The following FKBPL variants were observed in gnomAD, a reference collection of about 807,000 sequenced individuals.
FKBPL encodes FK506-binding protein-like.
A neutral mutation model predicts 27.9 loss-of-function variants in FKBPL; 31 were observed. The ratio of observed to expected loss-of-function variants is 1.11; its 90% CI spans 0.83 to 1.50. The LOEUF (loss-of-function observed/expected upper bound fraction) is 1.50, where lower values mean the gene tolerates loss of function less well. Among genes scored for constraint, FKBPL ranks in the 40% most tolerant of loss-of-function variants. The probability of loss-of-function intolerance (pLI) is 0.00; values close to 1 mark genes in which losing one functional copy is unlikely to be tolerated. For missense variants in FKBPL, 355 were observed against 425.9 expected (o/e 0.83, Z 1.46); for synonymous variants, 134 against 169.5 (o/e 0.79, Z 1.63).
Position 32,129,145 on chromosome 6 carries a change from T to C in FKBPL, c.636A>G (p.Glu212=), listed in dbSNP as rs899229419. 1 of 1,614,224 alleles carries C rather than the reference T, an allele frequency of 6.2e-7. No individual in the cohort carries two copies. Among genetic ancestry groups the C allele is most frequent in the Non-Finnish European group, 8.5e-7 (1 of 1,180,034 alleles). The part of the protein sequence containing the change: ...ETSEKEALAR[E]ERARGTELFR... The stretch of plus-strand genomic sequence containing the variant: ...ATAGTTCTGTGCCCCTTGCACGTTC[T>C]TCCCTGGCCAGGGCTTCCTTCTCGC... The change falls in exon 2 of 2, where the codon GAA becomes GAG. Residue 212 remains glutamate, a synonymous_variant. Coordinates refer to ENST00000375156, the MANE Select transcript of FKBPL (RefSeq NM_022110.4). The surrounding 1 kb of genome is among the most constrained non-coding windows in gnomAD (Gnocchi z 4.5).
Position 32,129,783 on chromosome 6 carries a change from G to A in FKBPL, c.-3C>T. 3.7e-6 allele frequency: 6 copies of A among 1,611,554 alleles called. No homozygotes were observed. The highest frequency in any genetic ancestry group is 1.1e-5 in the South Asian group (1 of 90,686). ...GTATTGACTGGTGGCGTCTCCATAT[G>A]GATGCTTAGTCCCTTCCACGGTGAG... On this transcript the variant is annotated 5_prime_UTR_variant, in exon 2 of 2. Transcript: ENST00000375156. This position sits in a 1 kb window ranked among gnomAD's most constrained non-coding sequence, Gnocchi z 4.5.
Position 32,129,651 on chromosome 6 carries a change from T to C in FKBPL, c.130A>G (p.Thr44Ala). ...QIRQQPRDPP[T>A]ETLELEVSPD... is the part of the protein sequence containing the mutation. ...CTTACTTCCAGCTCAAGCGTTTCGG[T>C]AGGAGGGTCTCGGGGCTGCTGCCTA... Residue 44 changes from threonine to alanine, a missense_variant, in exon 2 of 2, where the codon ACC (threonine) becomes GCC (alanine). Physicochemically the swap from Thr to Ala is moderately conservative, Grantham distance 58. Coordinates refer to ENST00000375156, the MANE Select transcript of FKBPL (RefSeq NM_022110.4). This position sits in a 1 kb window ranked among gnomAD's most constrained non-coding sequence, Gnocchi z 4.5. 1 of 1,614,170 alleles carries C rather than the reference T, an allele frequency of 6.2e-7. No homozygotes were observed.
At position 32,129,768 on chromosome 6, in the gene FKBPL, G is replaced by C. The variant is rs1782169352; in HGVS notation, c.13C>G (p.Pro5Ala). The C allele has an allele frequency of 1.2e-6, 2 of 1,613,454 alleles. No individual in the cohort carries two copies. The highest frequency in any genetic ancestry group is 1.7e-6 in the Non-Finnish European group (2 of 1,179,778). ...TCCTTTTCTCCAATTGTATTGACTG[G>C]TGGCGTCTCCATATGGATGCTTAGT... METP[P>A]VNTIGEKDTS... Residue 5 changes from proline (P) to alanine (A), a missense_variant, in exon 2 of 2, where the codon CCA (proline) becomes GCA (alanine). Coordinates refer to ENST00000375156, the MANE Select transcript of FKBPL (RefSeq NM_022110.4). This position sits in a 1 kb window ranked among gnomAD's most constrained non-coding sequence, Gnocchi z 4.5.
In FKBPL at chr6:32,128,762, A is replaced by C. The variant is rs1239589345; in HGVS notation, c.1019T>G (p.Leu340Arg). 3.7e-6 allele frequency: 6 copies of C among 1,614,096 alleles called. No individual in the cohort carries two copies. The highest frequency in any genetic ancestry group is 4.2e-6 in the Non-Finnish European group (5 of 1,180,056). The part of the protein sequence containing the change: ...VIQGKNQDAG[L>R]AQGLRKMFG ...AAACATCTTGCGCAGACCCTGAGCCAGCCCTGCATCCTGGTTCTTCCCCTG... is the reference window on the plus strand; with the variant it reads ...AAACATCTTGCGCAGACCCTGAGCCCGCCCTGCATCCTGGTTCTTCCCCTG... Residue 340 changes from leucine (L) to arginine (R), a missense_variant, in exon 2 of 2, where the codon CTG (leucine) becomes CGG (arginine). Leu to Arg is a moderately radical substitution (Grantham distance 102). Coordinates refer to ENST00000375156, the MANE Select transcript of FKBPL (RefSeq NM_022110.4).
rs760590647 is a variant in FKBPL at position 32,128,847 on chromosome 6, C to T, written c.934G>A (p.Val312Met). The T allele has an allele frequency of 1.9e-6, 3 of 1,614,236 alleles. No individual in the cohort carries two copies. Among genetic ancestry groups the T allele is most frequent in the South Asian group, 1.1e-5 (1 of 91,084 alleles). The change falls in exon 2 of 2, where the codon GTG becomes ATG. Residue 312 changes from valine to methionine, a missense_variant. By Grantham distance (21) the Val-to-Met change is conservative. Coordinates refer to ENST00000375156, the MANE Select transcript of FKBPL (RefSeq NM_022110.4). ...LEKATADLKK[V>M]LAIDPKNRAA... ...CGGTTTTTGGGATCTATCGCCAGCACCTTCTTGAGGTCAGCAGTTGCTTTT... is the reference window on the plus strand; with the variant it reads ...CGGTTTTTGGGATCTATCGCCAGCATCTTCTTGAGGTCAGCAGTTGCTTTT...
At position 32,130,108 on chromosome 6, in the gene FKBPL, G is replaced by A; in HGVS notation, c.-88C>T. ...GTCAATAAGTACCTGCGCGGCCAAAGTGCCTAGCATGGTGACAGGAGGAGC... is the reference window on the plus strand; with the variant it reads ...GTCAATAAGTACCTGCGCGGCCAAAATGCCTAGCATGGTGACAGGAGGAGC... On this transcript the variant is annotated 5_prime_UTR_variant, in exon 1 of 2. Transcript: ENST00000375156. The A allele has an allele frequency of 2.1e-6, 1 of 480,426 alleles. No homozygotes were observed. Among genetic ancestry groups the A allele is most frequent in the Non-Finnish European group, 3.7e-6 (1 of 267,750 alleles). 29.8% of individuals were successfully genotyped at this position (480,426 alleles called of 1,614,324 possible). A position where few individuals can be genotyped will look rare whatever the true frequency, so the allele number is the denominator to read the frequency against.
At position 32,130,184 on chromosome 6, in the gene FKBPL, T is replaced by G; in HGVS notation, c.-164A>C. On this transcript the variant is annotated 5_prime_UTR_variant, in exon 1 of 2. Transcript: ENST00000375156. ...CCAAAGCTAAATGGCTACTGAATGC[T>G]GCCCTCGGAGCCTTGCCCCACGCGG... The G allele has an allele frequency of 2.1e-5, 5 of 242,538 alleles. No homozygotes were observed. The highest frequency in any genetic ancestry group is 2.4e-5 in the Non-Finnish European group (3 of 122,830). The allele number at this position is 242,538 out of a possible 1,614,324, so 15.0% of individuals were successfully genotyped here.
At position 32,129,090 on chromosome 6, in the gene FKBPL, G is replaced by A. The variant is rs1782131722; in HGVS notation, c.691C>T (p.Arg231Ter). The A allele has an allele frequency of 1.2e-6, 2 of 1,614,108 alleles. No individual in the cohort carries two copies. The highest frequency in any genetic ancestry group is 1.7e-6 in the Non-Finnish European group (2 of 1,180,050). ...FRAGNPEGAARCYGRALRLLL... is the reference protein window; with the variant it reads ...FRAGNPEGAA ...AGCCGAAGAGCCCGTCCATAGCATC[G>A]GGCAGCTCCTTCAGGGTTCCCAGCT... The change falls in exon 2 of 2, where the codon CGA (arginine) becomes TGA (stop). Residue 231 changes from arginine (R) to a stop codon, truncating the protein, a stop_gained. Transcript: ENST00000375156. LOFTEE classifies it high-confidence loss of function. This position sits in a 1 kb window ranked among gnomAD's most constrained non-coding sequence, Gnocchi z 4.5.
Position 32,129,050 on chromosome 6 carries a change from G to T in FKBPL, c.731C>A (p.Pro244His). 1 of 1,614,238 alleles carries T rather than the reference G, an allele frequency of 6.2e-7. No homozygotes were observed. Residue 244 changes from proline (P) to histidine (H), a missense_variant, in exon 2 of 2, where the codon CCC (proline) becomes CAC (histidine). Coordinates refer to ENST00000375156, the MANE Select transcript of FKBPL (RefSeq NM_022110.4). The surrounding 1 kb of genome is among the most constrained non-coding windows in gnomAD (Gnocchi z 4.5). ...AGTTCGTTCTGGAGGGCCAGGTGGG[G>T]GTAAAGTCAGGAGCAGCCGAAGAGC... ...GRALRLLLTL[P>H]PPGPPERTVL...
In FKBPL at chr6:32,129,765, C is replaced by T; in HGVS notation, c.16G>A (p.Val6Ile). METPPVNTIGEKDTSQ... is the reference protein window; with the variant it reads METPPINTIGEKDTSQ... ...GTGTCCTTTTCTCCAATTGTATTGACTGGTGGCGTCTCCATATGGATGCTT... is the reference window on the plus strand; with the variant it reads ...GTGTCCTTTTCTCCAATTGTATTGATTGGTGGCGTCTCCATATGGATGCTT... The change falls in exon 2 of 2, where the codon GTC (valine) becomes ATC (isoleucine). Residue 6 changes from valine to isoleucine, a missense_variant. Physicochemically the swap from Val to Ile is conservative, Grantham distance 29 (BLOSUM62 3). Transcript: ENST00000375156. The surrounding 1 kb of genome is among the most constrained non-coding windows in gnomAD (Gnocchi z 4.5). 6.2e-7 allele frequency: 1 copy of T among 1,613,506 alleles called. No homozygotes were observed. The highest frequency in any genetic ancestry group is 8.5e-7 in the Non-Finnish European group (1 of 1,179,816).
chr6:32,129,103 A>G lies in FKBPL; in HGVS notation c.678T>C (p.Pro226=), dbSNP rs35245338. The part of the protein sequence containing the change: ...RGTELFRAGN[P]EGAARCYGRA... ...GTCCATAGCATCGGGCAGCTCCTTCAGGGTTCCCAGCTCGAAATAGTTCTG... is the reference window on the plus strand; with the variant it reads ...GTCCATAGCATCGGGCAGCTCCTTCGGGGTTCCCAGCTCGAAATAGTTCTG... The change falls in exon 2 of 2, where the codon CCT becomes CCC. Residue 226 remains proline (P), a synonymous_variant. Coordinates refer to ENST00000375156, the MANE Select transcript of FKBPL (RefSeq NM_022110.4). The surrounding 1 kb of genome is among the most constrained non-coding windows in gnomAD (Gnocchi z 4.5). 1.2e-6 allele frequency: 2 copies of G among 1,614,246 alleles called. No homozygotes were observed. The highest frequency in any genetic ancestry group is 1.7e-6 in the Non-Finnish European group (2 of 1,180,040).
chr6:32,129,002 G>C lies in FKBPL; in HGVS notation c.779C>G (p.Ala260Gly). ...ERTVLHANLA[A>G]CQLLLGQPQL... ...AGGCTGCCCTAGCAACAACTGACAG[G>C]CAGCCAGATTGGCATGAAGGACAGT... is the stretch of plus-strand genomic sequence containing the variant. The change falls in exon 2 of 2, where the codon GCC (alanine) becomes GGC (glycine). Residue 260 changes from alanine (A) to glycine (G), a missense_variant. Coordinates refer to ENST00000375156, the MANE Select transcript of FKBPL (RefSeq NM_022110.4). The surrounding 1 kb of genome is among the most constrained non-coding windows in gnomAD (Gnocchi z 4.5). 2 of 1,614,148 alleles carry C rather than the reference G, an allele frequency of 1.2e-6. No individual in the cohort carries two copies. The highest frequency in any genetic ancestry group is 1.7e-6 in the Non-Finnish European group (2 of 1,179,964).
At position 32,130,206 on chromosome 6, in the gene FKBPL, G is replaced by A. The variant is rs9391734; in HGVS notation, c.-186C>T. ...TGCTGCCCTCGGAGCCTTGCCCCAC[G>A]CGGAGAGGGCAGCCGGAGAGGGGCG... On this transcript the variant is annotated 5_prime_UTR_variant, in exon 1 of 2. Coordinates refer to ENST00000375156, the MANE Select transcript of FKBPL (RefSeq NM_022110.4). 21,764 of 204,372 alleles carry A rather than the reference G, an allele frequency of 0.11. 1,470 individuals are homozygous for A. The highest frequency in any genetic ancestry group is 0.15 in the African/African-American group (6,491 of 42,406). The allele number at this position is 204,372 out of a possible 1,614,324, so 12.7% of individuals were successfully genotyped here.
At position 32,129,104 on chromosome 6, in the gene FKBPL, G is replaced by A; in HGVS notation, c.677C>T (p.Pro226Leu). The A allele has an allele frequency of 6.2e-7, 1 of 1,614,250 alleles. No individual in the cohort carries two copies. Among genetic ancestry groups the A allele is most frequent in the Admixed American group, 1.7e-5 (1 of 60,034 alleles). ...RGTELFRAGNPEGAARCYGRA... is the reference protein window; with the variant it reads ...RGTELFRAGNLEGAARCYGRA... ...TCCATAGCATCGGGCAGCTCCTTCA[G>A]GGTTCCCAGCTCGAAATAGTTCTGT... The change falls in exon 2 of 2, where the codon CCT becomes CTT. Residue 226 changes from proline (P) to leucine (L), a missense_variant. By Grantham distance (98) the Pro-to-Leu change is moderately conservative (BLOSUM62 -3). Transcript: ENST00000375156. The surrounding 1 kb of genome is among the most constrained non-coding windows in gnomAD (Gnocchi z 4.5).
At chr6:32,130,008 CAT>C in intron 1 of FKBPL, 85 bp downstream of exon 1, 1 of 614,880 alleles carries the variant, frequency 1.6e-6, no homozygotes, top group Non-Finnish European at 2.9e-6. Flanking sequence ...GTTCCACCCA[CAT>C]ATAATTTAGA....
chr6:32,128,775 G>C lies in FKBPL; in HGVS notation c.1006C>G (p.Gln336Glu). 2 of 1,614,154 alleles carry C rather than the reference G, an allele frequency of 1.2e-6. No individual in the cohort carries two copies. The highest frequency in any genetic ancestry group is 1.1e-5 in the South Asian group (1 of 91,084). ...AGACCCTGAGCCAGCCCTGCATCCT[G>C]GTTCTTCCCCTGAATGACCACCTTC... The part of the protein sequence containing the change: ...LGKVVIQGKN[Q>E]DAGLAQGLRK... Residue 336 changes from glutamine to glutamate, a missense_variant, in exon 2 of 2, where the codon CAG becomes GAG. Coordinates refer to ENST00000375156, the MANE Select transcript of FKBPL (RefSeq NM_022110.4).
chr6:32,129,886 G>C lies in FKBPL; in HGVS notation c.-74-32C>G. 2.0e-6 allele frequency: 2 copies of C among 1,022,726 alleles called. No individual in the cohort carries two copies. Among genetic ancestry groups the C allele is most frequent in the South Asian group, 2.7e-5 (2 of 73,598 alleles). 63.4% of individuals were successfully genotyped at this position (1,022,726 alleles called of 1,614,324 possible). ...AGAAAACCAAACAATGCTAATAGCA[G>C]GGTTCTTATTTAGACTCCTTTCTCG... On this transcript the variant is annotated intron_variant, in intron 1 of 1. Transcript: ENST00000375156. The surrounding 1 kb of genome is among the most constrained non-coding windows in gnomAD (Gnocchi z 4.5).
rs1333491207 is a variant in FKBPL at position 32,128,810 on chromosome 6, TC to T, written c.970del (p.Glu324ArgfsTer28). 2.4e-5 allele frequency: 39 copies of T among 1,614,138 alleles called. No individual in the cohort carries two copies. The highest frequency in any genetic ancestry group is 3.3e-5 in the Non-Finnish European group (39 of 1,180,058). On this transcript the variant is annotated frameshift_variant, in exon 2 of 2. Transcript: ENST00000375156. LOFTEE classifies it high-confidence loss of function. Reference protein sequence around the residue: ...AIDPKNRAAQEELGKVVIQGK... With the variant: ...AIDPKNRAAQXELGKVVIQGK... ...CTGAATGACCACCTTCCCCAGTTCC[TC>T]CTGGGCTGCCCGGTTTTTGGGATCT...
In FKBPL at chr6:32,128,840, G is replaced by A. The variant is rs946387958; in HGVS notation, c.941C>T (p.Ala314Val). 7 of 1,614,020 alleles carry A rather than the reference G, an allele frequency of 4.3e-6. No homozygotes were observed. Among genetic ancestry groups the A allele is most frequent in the Non-Finnish European group, 5.9e-6 (7 of 1,180,028 alleles). The part of the protein sequence containing the change: ...KATADLKKVL[A>V]IDPKNRAAQE... ...GGCTGCCCGGTTTTTGGGATCTATC[G>A]CCAGCACCTTCTTGAGGTCAGCAGT... Residue 314 changes from alanine (A) to valine (V), a missense_variant, in exon 2 of 2, where the codon GCG becomes GTG. Coordinates refer to ENST00000375156, the MANE Select transcript of FKBPL (RefSeq NM_022110.4).
Sources: gnomAD v4.1 joint callset for allele counts on GRCh38, gnomAD v4.1.1 for gene constraint, Gnocchi (gnomAD v3.1) non-coding constraint, MANE v1.5 for transcripts, NCBI Gene and HGNC (gene_info 2026-07-23, HGNC 2026-07-21) for gene names.